The following FAF1 variants were observed in gnomAD, a reference collection of about 807,000 sequenced individuals.
FAF1 encodes FAS-associated factor 1.
FAF1 carries 25 observed loss-of-function variants against 92.5 expected under a neutral mutation model. That is an observed-to-expected ratio of 0.27 (90% confidence interval 0.20 to 0.38). The LOEUF (loss-of-function observed/expected upper bound fraction) is 0.38, where lower values mean the gene tolerates loss of function less well. Ranked by LOEUF, FAF1 falls within the 10% of genes least tolerant of loss-of-function variation. The pLI, the probability that FAF1 is intolerant of heterozygous loss-of-function variation, is 1.00. For missense variants in FAF1, 636 were observed against 793.3 expected, an observed-to-expected ratio of 0.80 and a Z score of 2.38; for synonymous variants, 234 against 273.2, an observed-to-expected ratio of 0.86 and a Z score of 1.42.
intron 9 of FAF1, among the ~76,000 whole-genome samples, chr1:50,590,991 A>AG (rs1553229930): frequency 9.9e-5 from 15 of 152,144 alleles, no homozygotes; most frequent in East Asian, 1.9e-4. Flanking sequence ...CCAAAAAAAA[A>AG]AAAGAAAGAA....
chr1:50,504,059 A>G (rs1030634776), intron 15 of FAF1, among the ~76,000 whole-genome samples: 2 of 152,244 alleles, frequency 1.3e-5, no homozygotes, highest in Non-Finnish European at 2.9e-5. Flanking sequence ...CTCAATATAC[A>G]TTTAGAAAAT....
intron 7 of FAF1, among the ~76,000 whole-genome samples, chr1:50,686,883 C>T (rs1025397044): frequency 1.3e-5 from 2 of 152,216 alleles, no homozygotes; most frequent in East Asian, 1.9e-4. Flanking sequence ...CGCTGGAGTG[C>T]AGTGGCGCGA....
At chr1:50,725,940 A>G (rs1317967554) in intron 6 of FAF1, among the ~76,000 whole-genome samples, 1 of 151,924 alleles carries the variant, frequency 6.6e-6, no homozygotes, top group Admixed American at 6.6e-5. Context: ...GCTCAATAAT[A>G]CCCTCATATG....
chr1:50,676,415 A>G (rs941072012), intron 7 of FAF1, among the ~76,000 whole-genome samples: 1 of 151,926 alleles, frequency 6.6e-6, no homozygotes, highest in Admixed American at 6.6e-5. Flanking sequence ...CTTAAAAAAA[A>G]AAAAAGAAAG....
At chr1:50,900,171 C>T (rs1644785273) in intron 1 of FAF1, among the ~76,000 whole-genome samples, 1 of 152,148 alleles carries the variant, frequency 6.6e-6, no homozygotes, top group African/African-American at 2.4e-5. Flanking sequence ...CTCTCAGACA[C>T]TTACAATGAA....
At chr1:50,473,612 C>T (rs1379914813) in intron 18 of FAF1, among the ~76,000 whole-genome samples, 1 of 152,180 alleles carries the variant, frequency 6.6e-6, no homozygotes, top group Non-Finnish European at 1.5e-5. Context: ...AGTTTTCATA[C>T]TTGGCTGTGT....
chr1:50,826,135 AAAG>A (rs1246855981), intron 2 of FAF1, among the ~76,000 whole-genome samples: 2 of 152,212 alleles, frequency 1.3e-5, no homozygotes, highest in South Asian at 2.1e-4. Context: ...AAAACCAAAG[AAAG>A]AAGAATTTAA....
At chr1:50,935,425 T>C (rs1201972560) in intron 1 of FAF1, among the ~76,000 whole-genome samples, 1 of 151,934 alleles carries the variant, frequency 6.6e-6, no homozygotes, top group Non-Finnish European at 1.5e-5. Flanking sequence ...CCTCCCAAAG[T>C]GCTGGGCTTA....
intron 15 of FAF1, among the ~76,000 whole-genome samples, chr1:50,493,562 T>C (rs1358359374): frequency 2.0e-5 from 3 of 152,196 alleles, no homozygotes; most frequent in Non-Finnish European, 4.4e-5. Flanking sequence ...TTAAAGCACT[T>C]ACCATAATTG....
In FAF1 at chr1:50,491,032, T is replaced by C. The variant is rs529552957; in HGVS notation, c.1576-367A>G. Among the ~76,000 whole-genome samples the C allele has an allele frequency of 5.9e-5, 9 of 152,314 alleles. No homozygotes were observed. In the South Asian group the frequency reaches 1.9e-3, roughly 32 times the overall value. ...TTAATCAGCCTCTATCCATCCTCCA[T>C]GCATTCTGGACCCTTGATGCTAGCT... On this transcript the variant is annotated intron_variant, in intron 16 of 18. Transcript: ENST00000396153.
intron 15 of FAF1, among the ~76,000 whole-genome samples, chr1:50,534,826 G>A (rs959281468): frequency 7.9e-5 from 12 of 152,182 alleles, no homozygotes; most frequent in African/African-American, 2.4e-4. Flanking sequence ...TTTTATTTGA[G>A]GTTCTATGTT....
chr1:50,596,123 C>T lies in FAF1; in HGVS notation c.838G>A (p.Glu280Lys). 1 of 1,612,404 alleles carries T rather than the reference C, an allele frequency of 6.2e-7. No homozygotes were observed. Among genetic ancestry groups the T allele is most frequent in the East Asian group, 2.2e-5 (1 of 44,832 alleles). ...SPAQTREQSE[E>K]QITDVHMVSD... ...GAAAAGCTGGCAAACAGGCTTACTT[C>T]TTCCGACTGTTCCCGGGTCTGTGCA... Residue 280 changes from glutamate to lysine, a missense_variant and splice_region_variant, in exon 9 of 19, where the codon GAA (glutamate) becomes AAA (lysine). Coordinates refer to ENST00000396153, the MANE Select transcript of FAF1 (RefSeq NM_007051.3).
At chr1:50,467,312 A>G (rs17106217) in intron 18 of FAF1, among the ~76,000 whole-genome samples, 1,904 of 152,226 alleles carry the variant, frequency 0.013, 35 homozygotes, top group African/African-American at 0.043. Context: ...TCATTTACAC[A>G]TTGAAAGTAT....
intron 13 of FAF1, among the ~76,000 whole-genome samples, chr1:50,564,934 AG>A (rs1270368332): frequency 6.6e-6 from 1 of 152,022 alleles, no homozygotes. Context: ...ATGGATCAAA[AG>A]TAGCTATGTA....
chr1:50,460,621 G>C (rs1646414669), intron 18 of FAF1, among the ~76,000 whole-genome samples: 1 of 151,730 alleles, frequency 6.6e-6, no homozygotes, highest in Non-Finnish European at 1.5e-5. Context: ...GTGTGTGTGT[G>C]TGTTTGTGTA....
At chr1:50,499,469 T>G (rs1646953721) in intron 15 of FAF1, among the ~76,000 whole-genome samples, 1 of 152,090 alleles carries the variant, frequency 6.6e-6, no homozygotes, top group Admixed American at 6.5e-5. Context: ...AATTAGCTTT[T>G]GTCTGATGCC....
chr1:50,853,446 T>C (rs1024689370), intron 2 of FAF1, among the ~76,000 whole-genome samples: 1 of 152,142 alleles, frequency 6.6e-6, no homozygotes, highest in Non-Finnish European at 1.5e-5. Flanking sequence ...ATATGCGGAT[T>C]TGTTTCACTC....
chr1:50,869,293 G>A, intron 1 of FAF1, among the ~76,000 whole-genome samples: 1 of 151,976 alleles, frequency 6.6e-6, no homozygotes, highest in East Asian at 1.9e-4. Flanking sequence ...GTCAGGTCTT[G>A]CTTTTTATCC....
chr1:50,808,359 G>A (rs1278996953), intron 2 of FAF1, among the ~76,000 whole-genome samples: 2 of 152,120 alleles, frequency 1.3e-5, no homozygotes, highest in Admixed American at 1.3e-4. Flanking sequence ...CAATTAAGAT[G>A]CGTAACAACC....
Sources: gnomAD v4.1 joint callset for allele counts (sites outside exome capture counted in the v4.1 genomes callset) on GRCh38, gnomAD v4.1.1 for gene constraint, MANE v1.5 for transcripts, NCBI Gene and HGNC (gene_info 2026-07-23, HGNC 2026-07-21) for gene names.